CAMK2B: variants seen among roughly 807,000 people sequenced by gnomAD.
CAMK2B encodes the protein calcium/calmodulin-dependent protein kinase type II subunit beta.
A neutral mutation model predicts 93.7 loss-of-function variants in CAMK2B; 27 were observed. That is an observed-to-expected ratio of 0.29 (90% CI 0.21 to 0.40). CAMK2B has a LOEUF of 0.40. CAMK2B is among the 10% of genes least tolerant of loss of function. The pLI is 1.00. For missense variants in CAMK2B, 568 were observed against 895.8 expected, an observed-to-expected ratio of 0.63 and a Z score of 4.67; for synonymous variants, 374 against 358.8, an observed-to-expected ratio of 1.04 and a Z score of -0.48.
intron 2 of CAMK2B, among the ~76,000 whole-genome samples, chr7:44,273,225 CGTT>C (rs941274882): frequency 1.2e-4 from 18 of 152,108 alleles, no homozygotes; most frequent in African/African-American, 4.3e-4. Context: ...CACCTCACCT[CGTT>C]GTTACTCCAA....
At chr7:44,317,493 C>T (rs925613531) in intron 1 of CAMK2B, among the ~76,000 whole-genome samples, 3 of 152,042 alleles carry the variant, frequency 2.0e-5, no homozygotes, top group Non-Finnish European at 4.4e-5. Flanking sequence ...GCCATGTTGC[C>T]CACGGTCTCT....
chr7:44,241,577 C>T (rs2096679098), intron 11 of CAMK2B, 123 bp downstream of exon 11: 3 of 731,754 alleles, frequency 4.1e-6, no homozygotes, highest in Non-Finnish European at 7.1e-6. Context: ...GACTTGCTAA[C>T]AGTCAGTCTT....
intron 10 of CAMK2B, 119 bp from the exon 11 acceptor site, chr7:44,241,902 C>A (rs537051183): frequency 2.6e-5 from 21 of 794,646 alleles, no homozygotes; most frequent in East Asian, 2.0e-4. Flanking sequence ...GCCACCATTG[C>A]GGCAAGGGTT....
chr7:44,282,627 T>G (rs988828388), intron 2 of CAMK2B, among the ~76,000 whole-genome samples: 1 of 152,034 alleles, frequency 6.6e-6, no homozygotes, highest in Admixed American at 6.5e-5. Flanking sequence ...CTAAAGGACC[T>G]CCCCACAGCC....
At chr7:44,308,318 A>G (rs1325725697) in intron 1 of CAMK2B, among the ~76,000 whole-genome samples, 4 of 152,200 alleles carry the variant, frequency 2.6e-5, no homozygotes, top group African/African-American at 9.6e-5. Context: ...TGCCCATGGT[A>G]GGTGGAGCCA....
At chr7:44,226,022 C>A (rs2096472104) in intron 20 of CAMK2B, 11 of 808,248 alleles carry the variant, frequency 1.4e-5, no homozygotes, top group Non-Finnish European at 1.9e-5. Flanking sequence ...GCCCCAGCTG[C>A]CCCCCAGATC....
chr7:44,236,163 G>A (rs184889975), intron 13 of CAMK2B, among the ~76,000 whole-genome samples: 17 of 152,294 alleles, frequency 1.1e-4, no homozygotes, highest in Middle Eastern at 6.8e-3. Context: ...GCTGCACCCC[G>A]CAGGGCATAG....
At chr7:44,291,939 C>T (rs1451335328) in intron 1 of CAMK2B, among the ~76,000 whole-genome samples, 1 of 152,204 alleles carries the variant, frequency 6.6e-6, no homozygotes, top group Non-Finnish European at 1.5e-5. Context: ...ACCTGAGCTT[C>T]GGAGCCCAAC....
At chr7:44,230,940 C>T in intron 17 of CAMK2B, 66 bp downstream of exon 17, 13 of 1,427,008 alleles carry the variant, frequency 9.1e-6, no homozygotes, top group Non-Finnish European at 1.3e-5. Flanking sequence ...CCAAGTCCCA[C>T]CCACCTCAAA....
Position 44,258,853 on chromosome 7 carries a change from C to G in CAMK2B, c.275+19G>C. ...GGCTGGGAGTGAGTGCAGCGAGAGT[C>G]CCCAGCTCTGGAACTTACAGATCGA... On this transcript the variant is annotated intron_variant, in intron 4 of 23. Transcript: ENST00000395749. 10 of 1,611,852 alleles carry G rather than the reference C, an allele frequency of 6.2e-6. No individual in the cohort carries two copies. Among genetic ancestry groups the G allele is most frequent in the Non-Finnish European group, 8.5e-6 (10 of 1,178,222 alleles).
intron 20 of CAMK2B, 128 bp downstream of exon 20, chr7:44,226,388 C>T: frequency 2.7e-6 from 2 of 735,528 alleles, no homozygotes; most frequent in Non-Finnish European, 4.0e-6. Context: ...TCCCTGGGAC[C>T]CAGCAGAGGG....
At chr7:44,290,154 A>C (rs1786373994) in intron 1 of CAMK2B, among the ~76,000 whole-genome samples, 1 of 152,222 alleles carries the variant, frequency 6.6e-6, no homozygotes. Context: ...GACCCCTTCA[A>C]TCCACAGCAA....
chr7:44,275,920 C>G (rs924793911), intron 2 of CAMK2B, among the ~76,000 whole-genome samples: 2 of 150,564 alleles, frequency 1.3e-5, no homozygotes, highest in Non-Finnish European at 2.9e-5. Context: ...GGGGAGGGGG[C>G]GTTTCCCAGG....
intron 8 of CAMK2B, among the ~76,000 whole-genome samples, chr7:44,242,979 C>T (rs2096696123): frequency 6.6e-6 from 1 of 152,200 alleles, no homozygotes; most frequent in Admixed American, 6.5e-5. Flanking sequence ...TTCTCCACTC[C>T]CATCCACCCA....
rs62459093 is a variant in CAMK2B at position 44,224,074 on chromosome 7, G to A, written c.1597+2442C>T. On this transcript the variant is annotated intron_variant, in intron 20 of 23. Coordinates refer to ENST00000395749, the MANE Select transcript of CAMK2B (RefSeq NM_001220.5). The surrounding 1 kb of genome is among the most constrained non-coding windows in gnomAD (Gnocchi z 4.4). ...CTTTTAAACAAATTGTAATTAAAAT[G>A]GGAGTTGATGGGAAGAGAAAGCGTG... 0.054 allele frequency among the ~76,000 whole-genome samples: 8,165 copies of A among 152,328 alleles called. 282 individuals carry two copies. The highest frequency in any genetic ancestry group is 0.086 in the East Asian group (447 of 5,182).
intron 1 of CAMK2B, among the ~76,000 whole-genome samples, chr7:44,302,115 T>C (rs956114007): frequency 6.6e-6 from 1 of 152,104 alleles, no homozygotes; most frequent in African/African-American, 2.4e-5. Context: ...AGAAATACTA[T>C]GAAAAACTCT....
At chr7:44,276,654 G>A (rs1028061583) in intron 2 of CAMK2B, among the ~76,000 whole-genome samples, 7 of 152,212 alleles carry the variant, frequency 4.6e-5, no homozygotes, top group Non-Finnish European at 7.4e-5. Context: ...GGTGAGCTGC[G>A]CATGGGCCTG....
chr7:44,226,450 GC>G, intron 20 of CAMK2B, 65 bp downstream of exon 20: 1 of 1,281,538 alleles, frequency 7.8e-7, no homozygotes, highest in Non-Finnish European at 1.0e-6. Flanking sequence ...GAGCACCACT[GC>G]CAGGCTCGCA....
At chr7:44,321,969 C>T (rs1185179589) in intron 1 of CAMK2B, among the ~76,000 whole-genome samples, 2 of 152,236 alleles carry the variant, frequency 1.3e-5, no homozygotes, top group African/African-American at 2.4e-5. Context: ...TCCTCGGCAG[C>T]CCCACTGCCA....
Sources: gnomAD v4.1 joint callset for allele counts (sites outside exome capture counted in the v4.1 genomes callset) on GRCh38, gnomAD v4.1.1 for gene constraint, Gnocchi (gnomAD v3.1) non-coding constraint, MANE v1.5 for transcripts, NCBI Gene and HGNC (gene_info 2026-07-23, HGNC 2026-07-21) for gene names.